Variants in SPATA31C1 observed in about 807,000 individuals in gnomAD.
SPATA31C1 encodes the protein spermatogenesis-associated protein 31C1.
exon 5 of SPATA31C1, chr9:87,922,209 G>A: frequency 6.2e-7 from 1 of 1,613,334 alleles, no homozygotes; most frequent in Middle Eastern, 1.8e-4. Context: ...GGCTCCTACA[G>A]CTGGACAGGA....
At chr9:87,913,963 A>AT (rs1828683095), upstream of SPATA31C1, among the ~76,000 whole-genome samples, 1 of 87,932 alleles carries the variant, frequency 1.1e-5, no homozygotes, top group African/African-American at 3.9e-5. Flanking sequence ...AATAAAAAAA[A>AT]TAAAAAAAAA....
exon 5 of SPATA31C1, chr9:87,920,610 G>C: frequency 1.2e-6 from 2 of 1,613,720 alleles, no homozygotes; most frequent in Non-Finnish European, 1.7e-6. Flanking sequence ...TCCTCCGAAA[G>C]GCTTCACTCC....
At chr9:87,916,211 C>A (rs1828712846) in intron 1 of SPATA31C1, among the ~76,000 whole-genome samples, 1 of 129,130 alleles carries the variant, frequency 7.7e-6, no homozygotes, top group African/African-American at 2.8e-5. Context: ...AATTAGATAC[C>A]AATGGTGGTC....
chr9:87,921,115 C>G, exon 5 of SPATA31C1: 1 of 1,611,730 alleles, frequency 6.2e-7, no homozygotes, highest in Non-Finnish European at 8.5e-7. Context: ...ACTCAGCACC[C>G]TGAAAGGCCT....
At chr9:87,921,553 C>T (rs1437205925) in exon 5 of SPATA31C1, 3 of 1,611,848 alleles carry the variant, frequency 1.9e-6, no homozygotes, top group African/African-American at 2.7e-5. Flanking sequence ...CTGGGGGCGA[C>T]CTCTGAGGAG....
At chr9:87,922,204 C>G (rs746837096) in exon 5 of SPATA31C1, 1 of 1,613,334 alleles carries the variant, frequency 6.2e-7, no homozygotes, top group South Asian at 1.1e-5. Context: ...TTGAAGGCTC[C>G]TACAGCTGGA....
At position 87,922,132 on chromosome 9, in the gene SPATA31C1, C is replaced by T. The variant is rs185091301; in HGVS notation, n.2522C>T. 6.7e-4 allele frequency: 1,079 copies of T among 1,613,776 alleles called. 6 individuals are homozygous for T. In the African/African-American group the frequency reaches 0.013, roughly 19 times the overall value. On this transcript the variant is annotated non_coding_transcript_exon_variant, in exon 5 of 5. Coordinates refer to ENST00000420021, the Ensembl canonical transcript of SPATA31C1. ...CCAGAGAGGCTTCAGGCCTCCTCAC[C>T]TGCATGTAAGCAGTTCCAGAGGGCC...
chr9:87,920,152 G>C (rs2989488), intron 4 of SPATA31C1, 100 bp from the exon 4 acceptor site: 18 of 1,600,452 alleles, frequency 1.1e-5, no homozygotes, highest in Non-Finnish European at 1.4e-5. Flanking sequence ...GCGTGGTGGA[G>C]AGGGTGTGGC....
At chr9:87,922,007 A>T in exon 5 of SPATA31C1, 1 of 1,613,772 alleles carries the variant, frequency 6.2e-7, no homozygotes, top group Non-Finnish European at 8.5e-7. Flanking sequence ...ACACCTGCGA[A>T]TCTGGGGCTG....
At chr9:87,921,034 C>G (rs890477812) in exon 5 of SPATA31C1, 1 of 1,611,830 alleles carries the variant, frequency 6.2e-7, no homozygotes, top group Non-Finnish European at 8.5e-7. Flanking sequence ...GCTTTTCTAT[C>G]CCCGATGAAG....
chr9:87,923,372 G>T, exon 5 of SPATA31C1: 1 of 1,602,712 alleles, frequency 6.2e-7, no homozygotes, highest in South Asian at 1.1e-5. Context: ...AATGGGGCCT[G>T]CGACATCCCC....
intron 1 of SPATA31C1, chr9:87,917,615 TA>T (rs1275560057): frequency 2.0e-3 from 49 of 23,984 alleles, no homozygotes; most frequent in African/African-American, 3.6e-3. Flanking sequence ...CCCTGGTACA[TA>T]AGCCAAAATT....
At chr9:87,916,996 C>A (rs1432212058) in intron 1 of SPATA31C1, among the ~76,000 whole-genome samples, 1 of 91,810 alleles carries the variant, frequency 1.1e-5, no homozygotes, top group Non-Finnish European at 2.2e-5. Context: ...GACTCCATCT[C>A]AAAAAGAAAG....
chr9:87,919,593 G>A (rs1421148291), intron 3 of SPATA31C1, among the ~76,000 whole-genome samples: 1 of 82,808 alleles, frequency 1.2e-5, no homozygotes, highest in African/African-American at 4.7e-5. Flanking sequence ...ATGCGGAGGG[G>A]GGTGAGGGGC....
chr9:87,922,069 T>G lies in SPATA31C1; in HGVS notation n.2459T>G, dbSNP rs548668417. On this transcript the variant is annotated non_coding_transcript_exon_variant, in exon 5 of 5. Coordinates refer to ENST00000420021, the Ensembl canonical transcript of SPATA31C1. ...CTTGGAGAGCCACCAATGGCAAGTC[T>G]GAGAAAGCAAGTGCTGACCAAACCA... 3.7e-6 allele frequency: 6 copies of G among 1,613,978 alleles called. No individual in the cohort carries two copies. In the African/African-American group the frequency reaches 8.0e-5, roughly 22 times the overall value.
chr9:87,917,108 T>C (rs1411564564), intron 1 of SPATA31C1, among the ~76,000 whole-genome samples: 1 of 138,198 alleles, frequency 7.2e-6, no homozygotes, highest in Admixed American at 7.7e-5. Flanking sequence ...GGTAGGTCCC[T>C]TTGATTCAAA....
intron 1 of SPATA31C1, among the ~76,000 whole-genome samples, chr9:87,916,816 T>G (rs992547406): frequency 1.2e-5 from 1 of 80,276 alleles, no homozygotes; most frequent in African/African-American, 2.6e-5. Flanking sequence ...GCTAACACGG[T>G]GAAACCCAGT....
intron 1 of SPATA31C1, among the ~76,000 whole-genome samples, chr9:87,916,427 G>C (rs1828720886): frequency 6.8e-6 from 1 of 147,856 alleles, no homozygotes; most frequent in Non-Finnish European, 1.5e-5. Context: ...CCCTGCATAA[G>C]AGCCTGTTAA....
At chr9:87,919,126 A>C (rs1828775898) in intron 2 of SPATA31C1, 129 bp from the exon 2 acceptor site, 2 of 1,372,960 alleles carry the variant, frequency 1.5e-6, no homozygotes, top group Admixed American at 2.0e-5. Flanking sequence ...CATGAGTGGG[A>C]GGGGAGAAAG....
Sources: allele counts gnomAD v4.1 joint callset (sites outside exome capture counted in the v4.1 genomes callset), GRCh38; gene constraint gnomAD v4.1.1; transcripts MANE v1.5; gene names NCBI Gene and HGNC (gene_info 2026-07-23, HGNC 2026-07-21).